AGBL4: variants seen among roughly 807,000 people sequenced by gnomAD.
AGBL4 encodes AGBL carboxypeptidase 4, also known as cytosolic carboxypeptidase 6.
In AGBL4, 58 loss-of-function variants were observed where a neutral mutation model predicts 66.4. The ratio of observed to expected loss-of-function variants is 0.87; its 90% confidence interval spans 0.71 to 1.09. AGBL4 has a LOEUF of 1.09. Among genes scored for constraint, AGBL4 ranks in the 50% least tolerant of loss-of-function variants. AGBL4 has a pLI of 0.00. For synonymous variants in AGBL4, 234 were observed against 222.9 expected, an observed-to-expected ratio of 1.05 and a Z score of -0.44; for missense variants, 579 against 631.0, an observed-to-expected ratio of 0.92 and a Z score of 0.88.
At chr1:49,485,730 C>T (rs1347004663) in intron 3 of AGBL4, among the ~76,000 whole-genome samples, 1 of 151,292 alleles carries the variant, frequency 6.6e-6, no homozygotes, top group Non-Finnish European at 1.5e-5. Flanking sequence ...GAAAGACAAA[C>T]TTTGCATGTT....
At chr1:49,556,305 C>T (rs371433883) in intron 3 of AGBL4, among the ~76,000 whole-genome samples, 2 of 151,992 alleles carry the variant, frequency 1.3e-5, no homozygotes, top group East Asian at 3.9e-4. Context: ...CGCATGTTCT[C>T]ACTCATAGGT....
At chr1:49,267,466 G>C (rs757997506) in intron 3 of AGBL4, among the ~76,000 whole-genome samples, 1 of 152,112 alleles carries the variant, frequency 6.6e-6, no homozygotes, top group Non-Finnish European at 1.5e-5. Context: ...AGATCACGAG[G>C]TCAGGAGATT....
intron 1 of AGBL4, among the ~76,000 whole-genome samples, chr1:49,877,320 T>G (rs1354139507): frequency 6.6e-6 from 1 of 151,784 alleles, no homozygotes; most frequent in East Asian, 1.9e-4. Flanking sequence ...CTTATTATTT[T>G]GAAATACGTC....
chr1:49,908,341 G>A (rs1571848336), intron 1 of AGBL4, among the ~76,000 whole-genome samples: 2 of 152,148 alleles, frequency 1.3e-5, no homozygotes, highest in South Asian at 2.1e-4. Flanking sequence ...AAGATTTCTC[G>A]TGAAAAGTTT....
At chr1:49,868,176 T>C (rs559712891) in intron 1 of AGBL4, among the ~76,000 whole-genome samples, 17 of 152,296 alleles carry the variant, frequency 1.1e-4, no homozygotes, top group Non-Finnish European at 1.9e-4. Flanking sequence ...GAAGAATCAG[T>C]ACCATGGAAA....
chr1:49,852,518 G>A lies in AGBL4; in HGVS notation c.35-1000C>T, dbSNP rs577537437. Among the ~76,000 whole-genome samples, 10 of 152,156 alleles carry A rather than the reference G, an allele frequency of 6.6e-5. No homozygotes were observed. In the East Asian group the frequency reaches 1.4e-3, roughly 21 times the overall value. On this transcript the variant is annotated intron_variant, in intron 1 of 13. Coordinates refer to ENST00000371839, the MANE Select transcript of AGBL4 (RefSeq NM_032785.4). ...AGACCAGAAAATGTTTTCCTCTGTG[G>A]TACAGGCCTAGAGAAGGGGAGAGAC...
At chr1:49,945,729 T>A (rs1224388595) in intron 1 of AGBL4, among the ~76,000 whole-genome samples, 1 of 152,164 alleles carries the variant, frequency 6.6e-6, no homozygotes, top group Non-Finnish European at 1.5e-5. Context: ...TAATGTTGCA[T>A]GTAAATGGCC....
intron 5 of AGBL4, among the ~76,000 whole-genome samples, chr1:48,997,080 G>A (rs1379087020): frequency 3.9e-5 from 6 of 151,966 alleles, no homozygotes; most frequent in Non-Finnish European, 4.4e-5. Flanking sequence ...CCGCCACCAC[G>A]CCCAGCTAGT....
intron 4 of AGBL4, among the ~76,000 whole-genome samples, chr1:49,110,270 T>C (rs1253363581): frequency 6.6e-6 from 1 of 152,160 alleles, no homozygotes; most frequent in African/African-American, 2.4e-5. Flanking sequence ...TCCACCTACC[T>C]TATCCAGGCC....
chr1:49,707,732 T>C (rs1400603069), intron 2 of AGBL4, among the ~76,000 whole-genome samples: 1 of 152,156 alleles, frequency 6.6e-6, no homozygotes, highest in African/African-American at 2.4e-5. Flanking sequence ...TCAGGAGCTC[T>C]TGTATGGCAG....
At chr1:48,894,191 A>G (rs1044441679) in intron 5 of AGBL4, among the ~76,000 whole-genome samples, 2 of 152,260 alleles carry the variant, frequency 1.3e-5, no homozygotes, top group African/African-American at 2.4e-5. Context: ...ATTTAGCTAT[A>G]AGGAAGTTTA....
intron 1 of AGBL4, among the ~76,000 whole-genome samples, chr1:49,949,664 T>C (rs577176275): frequency 6.6e-6 from 1 of 151,824 alleles, no homozygotes; most frequent in Non-Finnish European, 1.5e-5. Flanking sequence ...GATACCACCT[T>C]ACTCCTGCAT....
At chr1:49,424,506 G>A (rs1474002313) in intron 3 of AGBL4, among the ~76,000 whole-genome samples, 3 of 152,196 alleles carry the variant, frequency 2.0e-5, no homozygotes, top group Non-Finnish European at 2.9e-5. Flanking sequence ...AGGCAGCTCA[G>A]TAAATAATTA....
chr1:49,417,449 A>G (rs150685264), intron 3 of AGBL4, among the ~76,000 whole-genome samples: 1 of 152,222 alleles, frequency 6.6e-6, no homozygotes, highest in Non-Finnish European at 1.5e-5. Flanking sequence ...CCCTCAACTG[A>G]TCCAAAAAGG....
intron 1 of AGBL4, among the ~76,000 whole-genome samples, chr1:50,012,063 G>A (rs1361886957): frequency 1.3e-5 from 2 of 152,000 alleles, no homozygotes; most frequent in African/African-American, 2.4e-5. Context: ...GGAGGCTGAG[G>A]CAGGAGAATG....
chr1:49,558,495 C>T (rs1188476880), intron 3 of AGBL4, among the ~76,000 whole-genome samples: 2 of 152,122 alleles, frequency 1.3e-5, no homozygotes, highest in Admixed American at 6.5e-5. Context: ...CATGCGCCAC[C>T]ACACCCAGCT....
chr1:49,100,053 C>A (rs1193005221), intron 4 of AGBL4, among the ~76,000 whole-genome samples: 2 of 152,102 alleles, frequency 1.3e-5, no homozygotes, highest in Admixed American at 1.3e-4. Context: ...GAGCTTGCAG[C>A]AGGTCAGATT....
intron 3 of AGBL4, among the ~76,000 whole-genome samples, chr1:49,549,830 T>C (rs1477298422): frequency 6.6e-6 from 1 of 152,190 alleles, no homozygotes; most frequent in Non-Finnish European, 1.5e-5. Flanking sequence ...ATCCATTGTT[T>C]CTTTGTTGAT....
At chr1:49,230,497 C>T (rs1021558119) in intron 4 of AGBL4, among the ~76,000 whole-genome samples, 1 of 152,132 alleles carries the variant, frequency 6.6e-6, no homozygotes, top group Non-Finnish European at 1.5e-5. Flanking sequence ...TATATCCTCC[C>T]CACATTTAGT....
Sources: allele counts gnomAD v4.1 joint callset (sites outside exome capture counted in the v4.1 genomes callset), GRCh38; gene constraint gnomAD v4.1.1; transcripts MANE v1.5; gene names NCBI Gene and HGNC (gene_info 2026-07-23, HGNC 2026-07-21).